The following MCC variants were observed in gnomAD, a reference collection of about 807,000 sequenced individuals.
MCC encodes colorectal mutant cancer protein.
MCC carries 90 observed loss-of-function variants against 116.2 expected under a neutral mutation model. The ratio of observed to expected loss-of-function variants is 0.77; its 90% CI spans 0.65 to 0.92. The LOEUF is 0.92. Ranked by LOEUF, MCC falls within the 40% of genes least tolerant of loss-of-function variation. MCC has a pLI of 0.00. For synonymous variants in MCC, 578 were observed against 510.5 expected (o/e 1.13, Z -1.78); for missense variants, 1,516 against 1,312.2 (o/e 1.16, Z -2.40).
At chr5:113,385,543 C>G (rs1202085353) in intron 1 of MCC, among the ~76,000 whole-genome samples, 2 of 152,144 alleles carry the variant, frequency 1.3e-5, no homozygotes, top group Non-Finnish European at 2.9e-5. Flanking sequence ...GAGCATAGCA[C>G]TGTAATCTCA....
chr5:113,431,767 G>GC (rs1554083112), intron 1 of MCC, among the ~76,000 whole-genome samples: 5 of 124,406 alleles, frequency 4.0e-5, no homozygotes, highest in East Asian at 4.5e-4. Flanking sequence ...AGGCCAAGGG[G>GC]GGGGGGGGGT....
chr5:113,291,307 A>G (rs1319623372), intron 3 of MCC, among the ~76,000 whole-genome samples: 1 of 152,208 alleles, frequency 6.6e-6, no homozygotes, highest in African/African-American at 2.4e-5. Context: ...GCAGAGGCCA[A>G]CACCTCAGTG....
chr5:113,027,546 T>A, intron 18 of MCC, 64 bp from the exon 19 acceptor site: 1 of 1,418,030 alleles, frequency 7.1e-7, no homozygotes, highest in Non-Finnish European at 9.9e-7. Flanking sequence ...GACACCATCC[T>A]GTCCACTGGA....
intron 4 of MCC, 86 bp downstream of exon 4, chr5:113,151,223 G>C (rs1332531142): frequency 1.3e-6 from 1 of 775,818 alleles, no homozygotes; most frequent in African/African-American, 1.8e-5. Flanking sequence ...TGTTTTGTGG[G>C]AATTTCTGTA....
At chr5:113,075,873 C>A (rs952360266) in intron 11 of MCC, among the ~76,000 whole-genome samples, 1 of 152,182 alleles carries the variant, frequency 6.6e-6, no homozygotes, top group African/African-American at 2.4e-5. Flanking sequence ...TGCAGCTTCA[C>A]TCCTGAAGCC....
intron 4 of MCC, among the ~76,000 whole-genome samples, chr5:113,150,527 T>A (rs1047641592): frequency 2.6e-5 from 4 of 151,170 alleles, no homozygotes; most frequent in African/African-American, 4.9e-5. Context: ...AATTCAGAAG[T>A]GAGAAGAGTT....
chr5:113,327,561 A>T (rs192136094), intron 3 of MCC, among the ~76,000 whole-genome samples: 4,728 of 79,042 alleles, frequency 0.06, 153 homozygotes, highest in South Asian at 0.085. Flanking sequence ...AAAAAAAAAA[A>T]ATATATATAT....
At chr5:113,028,771 A>G (rs372961546) in intron 18 of MCC, among the ~76,000 whole-genome samples, 163 bp downstream of exon 18, 133 of 152,334 alleles carry the variant, frequency 8.7e-4, no homozygotes, top group African/African-American at 3.1e-3. Flanking sequence ...ACTCTAAGGA[A>G]GACCAGGCTC....
At chr5:113,127,988 A>C (rs891689154) in intron 5 of MCC, among the ~76,000 whole-genome samples, 7 of 152,204 alleles carry the variant, frequency 4.6e-5, no homozygotes, top group Non-Finnish European at 8.8e-5. Flanking sequence ...GTCAACTGTA[A>C]TGTCATGACT....
At chr5:113,304,435 T>G (rs1268062627) in intron 3 of MCC, among the ~76,000 whole-genome samples, 2 of 152,216 alleles carry the variant, frequency 1.3e-5, no homozygotes, top group African/African-American at 4.8e-5. Flanking sequence ...TCTCATTAGT[T>G]ACATTTACAG....
rs189932751 is a variant in MCC at position 113,198,820 on chromosome 5, G to A, written c.628-47398C>T. 1.9e-3 allele frequency among the ~76,000 whole-genome samples: 296 copies of A among 152,260 alleles called. 1 individual carries two copies. In the East Asian group the frequency reaches 0.023, roughly 12 times the overall value. ...GAGAGAGGCTGGGCTGGGTTGGGAG[G>A]CGGGACCACGTAGGCTGAGGTGCAT... On this transcript the variant is annotated intron_variant, in intron 3 of 18. Transcript: ENST00000408903.
chr5:113,454,200 G>A (rs27700), intron 1 of MCC, among the ~76,000 whole-genome samples: 55,938 of 152,060 alleles, frequency 0.37, 12,912 homozygotes, highest in East Asian at 0.7. Context: ...GATCTCCTGG[G>A]CTTAAGTGAT....
intron 1 of MCC, chr5:113,399,986 G>C: frequency 6.6e-6 from 1 of 152,062 alleles, no homozygotes; most frequent in East Asian, 1.9e-4. Context: ...CAAGAAGACA[G>C]CATCTGCAAA....
chr5:113,313,724 A>G (rs2150368815), intron 3 of MCC, among the ~76,000 whole-genome samples: 1 of 152,362 alleles, frequency 6.6e-6, no homozygotes, highest in East Asian at 1.9e-4. Context: ...ATTTCTAAAT[A>G]GATATTCCAT....
At chr5:113,055,877 G>C (rs1364370827) in intron 14 of MCC, among the ~76,000 whole-genome samples, 1 of 152,204 alleles carries the variant, frequency 6.6e-6, no homozygotes, top group Non-Finnish European at 1.5e-5. Flanking sequence ...GCCTTAAGGG[G>C]AAAGACAGGT....
chr5:113,160,264 G>A (rs1406999292), intron 3 of MCC, among the ~76,000 whole-genome samples: 1 of 152,160 alleles, frequency 6.6e-6, no homozygotes, highest in African/African-American at 2.4e-5. Context: ...GGCTCCCAAG[G>A]GGGAGAGGTG....
chr5:113,057,241 A>C (rs1198868420), intron 14 of MCC, among the ~76,000 whole-genome samples: 1 of 152,074 alleles, frequency 6.6e-6, no homozygotes, highest in East Asian at 1.9e-4. Flanking sequence ...CTTTTTCTCT[A>C]GGATTAGGAT....
At chr5:113,337,023 T>C (rs1423214291) in intron 3 of MCC, among the ~76,000 whole-genome samples, 3 of 152,254 alleles carry the variant, frequency 2.0e-5, no homozygotes, top group Admixed American at 6.5e-5. Flanking sequence ...TTTTGTGGTC[T>C]TGGAGCTGGA....
chr5:113,071,974 T>C (rs1203972494), intron 11 of MCC, among the ~76,000 whole-genome samples: 2 of 152,100 alleles, frequency 1.3e-5, no homozygotes, highest in East Asian at 3.9e-4. Flanking sequence ...GAACTTGAAG[T>C]TTTACAAGAT....
Sources: gnomAD v4.1 joint callset for allele counts (sites outside exome capture counted in the v4.1 genomes callset) on GRCh38, gnomAD v4.1.1 for gene constraint, MANE v1.5 for transcripts, NCBI Gene and HGNC (gene_info 2026-07-23, HGNC 2026-07-21) for gene names.